Variants in KIAA0232 observed in about 807,000 individuals in gnomAD.
KIAA0232 encodes KIAA0232.
In KIAA0232, 27 loss-of-function variants were observed where a neutral mutation model predicts 122.0. The ratio of observed to expected loss-of-function variants is 0.22; its 90% CI spans 0.16 to 0.31. The LOEUF (loss-of-function observed/expected upper bound fraction) is 0.31. Among genes scored for constraint, KIAA0232 ranks in the 10% least tolerant of loss-of-function variants. KIAA0232 has a pLI of 1.00. For missense variants in KIAA0232, 1,551 were observed against 1,634.2 expected, an observed-to-expected ratio of 0.95 and a Z score of 0.88; for synonymous variants, 613 against 587.6, an observed-to-expected ratio of 1.04 and a Z score of -0.63.
chr4:6,789,275 C>CTT (rs202133345), intron 1 of KIAA0232, among the ~76,000 whole-genome samples: 4 of 126,618 alleles, frequency 3.2e-5, no homozygotes, highest in Admixed American at 7.8e-5. Flanking sequence ...CCGGCCTTTT[C>CTT]TTTTTTTTTT....
At position 6,879,998 on chromosome 4, in the gene KIAA0232, A is replaced by C. The variant is rs867225146; in HGVS notation, c.4009-789A>C. Among the ~76,000 whole-genome samples, 20 of 64,586 alleles carry C rather than the reference A, an allele frequency of 3.1e-4. 2 individuals carry two copies. Among genetic ancestry groups the C allele is most frequent in the East Asian group, 1.4e-3 (2 of 1,398 alleles). 42.4% of individuals were successfully genotyped at this position (64,586 alleles called of 152,430 possible). A position where few individuals can be genotyped will look rare whatever the true frequency, so the allele number is the denominator to read the frequency against. ...ACTGCAAACTCCCTTCCCAACACAC[A>C]GGTCTGTAGTGTCGCCTCACCATCT... On this transcript the variant is annotated intron_variant, in intron 9 of 9. Coordinates refer to ENST00000307659, the MANE Select transcript of KIAA0232 (RefSeq NM_014743.3).
At chr4:6,877,624 G>A (rs558213525) in intron 9 of KIAA0232, among the ~76,000 whole-genome samples, 1 of 152,252 alleles carries the variant, frequency 6.6e-6, no homozygotes, top group South Asian at 2.1e-4. Flanking sequence ...CGATGTTCGA[G>A]GGCAGGAAGC....
chr4:6,808,550 A>T (rs1717740069), intron 2 of KIAA0232, among the ~76,000 whole-genome samples: 1 of 150,874 alleles, frequency 6.6e-6, no homozygotes, highest in Non-Finnish European at 1.5e-5. Flanking sequence ...AAAGCCTGCT[A>T]ATACAGGATG....
At chr4:6,851,975 AT>A (rs563811057) in intron 4 of KIAA0232, among the ~76,000 whole-genome samples, 6 of 152,150 alleles carry the variant, frequency 3.9e-5, no homozygotes, top group Admixed American at 3.9e-4. Context: ...CTAAGCCTCG[AT>A]TGGTCATATT....
intron 1 of KIAA0232, among the ~76,000 whole-genome samples, chr4:6,783,592 C>G (rs973711884): frequency 3.3e-5 from 5 of 151,634 alleles, no homozygotes; most frequent in Admixed American, 6.6e-5. Context: ...TTTGGGGCCC[C>G]GGGAAGGGAA....
chr4:6,785,855 C>A (rs1208686629), intron 1 of KIAA0232, among the ~76,000 whole-genome samples: 1 of 152,246 alleles, frequency 6.6e-6, no homozygotes, highest in Non-Finnish European at 1.5e-5. Context: ...CTAAACAAGA[C>A]TGCTCTTGGT....
chr4:6,852,422 C>T (rs1720340327), intron 4 of KIAA0232, among the ~76,000 whole-genome samples: 1 of 152,112 alleles, frequency 6.6e-6, no homozygotes, highest in Admixed American at 6.5e-5. Flanking sequence ...AACTTCCAGT[C>T]ATTAAAGTAT....
chr4:6,877,158 G>T (rs1330543812), intron 9 of KIAA0232, among the ~76,000 whole-genome samples: 1 of 152,120 alleles, frequency 6.6e-6, no homozygotes, highest in Non-Finnish European at 1.5e-5. Flanking sequence ...CCCTGAGGCA[G>T]CCTTGCCAGT....
At position 6,800,821 on chromosome 4, in the gene KIAA0232, A is replaced by C. The variant is rs556750803; in HGVS notation, c.-353-3702A>C. Among the ~76,000 whole-genome samples, 26 of 152,354 alleles carry C rather than the reference A, an allele frequency of 1.7e-4. No individual in the cohort carries two copies. In the East Asian group the frequency reaches 4.8e-3, roughly 28 times the overall value. On this transcript the variant is annotated intron_variant, in intron 1 of 9. Transcript: ENST00000307659. ...TGGGTCACATAGAAAATGCAGAGCC[A>C]GGTTGGCTCCTGGGCTCATCACTCT...
At position 6,876,748 on chromosome 4, in the gene KIAA0232, T is replaced by G; in HGVS notation, c.3999T>G (p.Asp1333Glu). Residue 1333 changes from aspartate (D) to glutamate (E), a missense_variant, in exon 9 of 10, where the codon GAT becomes GAG. By Grantham distance (45) the Asp-to-Glu change is conservative. This residue lies in a region of KIAA0232 where 1,108 missense variants were observed against 1,154.8 expected (regional missense o/e 0.96). Coordinates refer to ENST00000307659, the MANE Select transcript of KIAA0232 (RefSeq NM_014743.3). ...CCAGTAATGAAGAGCGCCTGTTAGA[T>G]TTTAATAGGGTAAGTGGACTGTCCT... ...ETPSNEERLL[D>E]FNRVSSVYEA... 6.2e-7 allele frequency: 1 copy of G among 1,604,618 alleles called. No homozygotes were observed. The highest frequency in any genetic ancestry group is 1.1e-5 in the South Asian group (1 of 90,884).
Position 6,882,152 on chromosome 4 carries a change from A to G in KIAA0232, c.*1186A>G, listed in dbSNP as rs1398354902. The G allele has an allele frequency of 1.3e-5, 2 of 152,296 alleles. No homozygotes were observed. Among genetic ancestry groups the G allele is most frequent in the Non-Finnish European group, 2.9e-5 (2 of 68,040 alleles). The allele number at this position is 152,296 out of a possible 1,614,324, so 9.4% of individuals were successfully genotyped here. On this transcript the variant is annotated 3_prime_UTR_variant, in exon 10 of 10. Coordinates refer to ENST00000307659, the MANE Select transcript of KIAA0232 (RefSeq NM_014743.3). ...ATGGCGATCCGCTCCTCCGGCTCTCATGGCATTGTGCCACAGGCAGAGGCC... is the reference window on the plus strand; with the variant it reads ...ATGGCGATCCGCTCCTCCGGCTCTCGTGGCATTGTGCCACAGGCAGAGGCC...
chr4:6,836,336 G>GTTTTT (rs572669996), intron 3 of KIAA0232, among the ~76,000 whole-genome samples: 1 of 136,306 alleles, frequency 7.3e-6, no homozygotes, highest in African/African-American at 2.6e-5. Context: ...TTTTTGTTTT[G>GTTTTT]TTTTTTTTTT....
chr4:6,879,593 G>A (rs1721944695), intron 9 of KIAA0232, among the ~76,000 whole-genome samples: 4 of 152,234 alleles, frequency 2.6e-5, no homozygotes, highest in Admixed American at 2.6e-4. Context: ...ATTTGGAAAT[G>A]AGGTGGGAGT....
Position 6,861,445 on chromosome 4 carries a change from A to G in KIAA0232, c.1063A>G (p.Ser355Gly), listed in dbSNP as rs1299926813. ...TCATACTGGAAGTAGTAGCAGTAGC[A>G]GCAGTGGTTCTGTCAAACAGCTGTG... The part of the protein sequence containing the change: ...NIHTGSSSSS[S>G]SGSVKQLCKR... The change falls in exon 7 of 10, where the codon AGC becomes GGC. Residue 355 changes from serine (S) to glycine (G), a missense_variant. Ser to Gly is a moderately conservative substitution (Grantham distance 56). Transcript: ENST00000307659. 1.2e-6 allele frequency: 2 copies of G among 1,614,144 alleles called. No individual in the cohort carries two copies. The highest frequency in any genetic ancestry group is 1.7e-5 in the Admixed American group (1 of 60,006).
At chr4:6,800,096 C>T (rs1383725179) in intron 1 of KIAA0232, among the ~76,000 whole-genome samples, 14 of 102,556 alleles carry the variant, frequency 1.4e-4, no homozygotes, top group Non-Finnish European at 1.5e-4. Context: ...CTCACTCTGT[C>T]GCCCCGGTTA....
chr4:6,862,872 A>G lies in KIAA0232; in HGVS notation c.2490A>G (p.Thr830=). Residue 830 remains threonine (T), a synonymous_variant, in exon 7 of 10, where the codon ACA becomes ACG. Coordinates refer to ENST00000307659, the MANE Select transcript of KIAA0232 (RefSeq NM_014743.3). The part of the protein sequence containing the change: ...YSSGVIKDIW[T]KMADTNSVAT... Reference sequence around the variant, plus strand: ...CAGGGGTTATTAAAGACATTTGGACAAAGATGGCAGACACAAATTCTGTGG... The same window carrying G: ...CAGGGGTTATTAAAGACATTTGGACGAAGATGGCAGACACAAATTCTGTGG... The G allele has an allele frequency of 6.2e-7, 1 of 1,614,248 alleles. No homozygotes were observed. Among genetic ancestry groups the G allele is most frequent in the Non-Finnish European group, 8.5e-7 (1 of 1,180,032 alleles).
In KIAA0232 at chr4:6,863,140, G is replaced by A. The variant is rs1171496568; in HGVS notation, c.2758G>A (p.Val920Ile). 5.0e-6 allele frequency: 8 copies of A among 1,614,206 alleles called. No homozygotes were observed. Among genetic ancestry groups the A allele is most frequent in the African/African-American group, 1.3e-5 (1 of 75,054 alleles). The change falls in exon 7 of 10, where the codon GTA (valine) becomes ATA (isoleucine). Residue 920 changes from valine (V) to isoleucine (I), a missense_variant. This residue lies in a region of KIAA0232 where 1,108 missense variants were observed against 1,154.8 expected (regional missense o/e 0.96). Transcript: ENST00000307659. ...DYTTPSKPWD[V>I]AQDKENTFIL... Reference sequence around the variant, plus strand: ...TACAACACCCTCTAAACCCTGGGATGTAGCCCAAGATAAAGAAAACACATT... The same window carrying A: ...TACAACACCCTCTAAACCCTGGGATATAGCCCAAGATAAAGAAAACACATT...
At chr4:6,839,541 A>T (rs939422489) in intron 3 of KIAA0232, among the ~76,000 whole-genome samples, 1 of 152,244 alleles carries the variant, frequency 6.6e-6, no homozygotes, top group African/African-American at 2.4e-5. Flanking sequence ...GACAACTGCC[A>T]GTTTAGGAAT....
chr4:6,878,737 G>A (rs1450373567), intron 9 of KIAA0232, among the ~76,000 whole-genome samples: 1 of 152,130 alleles, frequency 6.6e-6, no homozygotes, highest in African/African-American at 2.4e-5. Context: ...CTGGGCTGTT[G>A]TAGTTTCCCG....
Sources: gnomAD v4.1 joint callset for allele counts (sites outside exome capture counted in the v4.1 genomes callset) on GRCh38, gnomAD v4.1.1 for gene constraint, gnomAD v4.1.1 regional missense constraint, MANE v1.5 for transcripts, NCBI Gene and HGNC (gene_info 2026-07-23, HGNC 2026-07-21) for gene names.